Variants in ATP10B observed in about 807,000 individuals in gnomAD.
ATP10B encodes ATPase phospholipid transporting 10B (putative), also known as phospholipid-transporting ATPase VB.
ATP10B carries 122 observed loss-of-function variants against 141.2 expected under a neutral mutation model. The ratio of observed to expected loss-of-function variants is 0.86; its 90% confidence interval spans 0.75 to 1.00. ATP10B has a LOEUF of 1.00. ATP10B is among the 50% of genes least tolerant of loss of function. The pLI is 0.00. For missense variants in ATP10B, 1,876 were observed against 1,825.3 expected, an observed-to-expected ratio of 1.03 and a Z score of -0.51; for synonymous variants, 685 against 692.0, an observed-to-expected ratio of 0.99 and a Z score of 0.16.
chr5:160,818,960 G>C (rs986575581), intron 1 of ATP10B, among the ~76,000 whole-genome samples: 4 of 152,084 alleles, frequency 2.6e-5, no homozygotes, highest in Admixed American at 2.0e-4. Context: ...GAGAACACAT[G>C]GACACAGGAA....
chr5:160,907,992 G>A, the ATP10B span, among the ~76,000 whole-genome samples: 11 of 152,142 alleles, frequency 7.2e-5, no homozygotes, highest in East Asian at 1.9e-4. Context: ...CAGGTTGGAT[G>A]ATGGTCTCCC....
intron 23 of ATP10B, 86 bp from the exon 24 acceptor site, chr5:160,589,782 A>T (rs1756158225): frequency 1.0e-6 from 1 of 987,006 alleles, no homozygotes; most frequent in Non-Finnish European, 1.6e-6. Flanking sequence ...GCATCAATGA[A>T]GGCAGTTGTC....
chr5:160,787,124 A>AC (rs1554116293), intron 1 of ATP10B, among the ~76,000 whole-genome samples: 12 of 148,292 alleles, frequency 8.1e-5, no homozygotes, highest in Non-Finnish European at 1.6e-4. Context: ...ACACACACAC[A>AC]CACACACACA....
intron 2 of ATP10B, among the ~76,000 whole-genome samples, chr5:160,779,381 C>G (rs1042511005): frequency 2.0e-5 from 3 of 152,116 alleles, no homozygotes; most frequent in African/African-American, 7.2e-5. Context: ...TGGGATGTCA[C>G]TTCTATAATT....
chr5:160,752,351 G>A (rs1247777961), intron 2 of ATP10B, among the ~76,000 whole-genome samples: 1 of 152,062 alleles, frequency 6.6e-6, no homozygotes, highest in East Asian at 1.9e-4. Flanking sequence ...TACAGAAGCA[G>A]CTTGTGACAG....
At chr5:160,853,333 C>T (rs4921346), upstream of ATP10B, among the ~76,000 whole-genome samples, 108,994 of 152,100 alleles carry the variant, frequency 0.72, 41,292 homozygotes, top group East Asian at 0.97. Flanking sequence ...ATCACAGATA[C>T]GGTTAAATTG....
chr5:160,825,140 G>A (rs1211586612), intron 1 of ATP10B, among the ~76,000 whole-genome samples: 2 of 152,080 alleles, frequency 1.3e-5, no homozygotes, highest in Non-Finnish European at 2.9e-5. Flanking sequence ...GCTGTTTGAG[G>A]TCAGAGACTG....
chr5:160,858,014 A>T, the ATP10B span, among the ~76,000 whole-genome samples: 1 of 151,840 alleles, frequency 6.6e-6, no homozygotes, highest in Non-Finnish European at 1.5e-5. Context: ...TTGTCTATTA[A>T]TCTGTTTTAT....
At chr5:160,616,240 T>C (rs1369329083) in intron 16 of ATP10B, among the ~76,000 whole-genome samples, 1 of 151,988 alleles carries the variant, frequency 6.6e-6, no homozygotes, top group Non-Finnish European at 1.5e-5. Flanking sequence ...TGGTGGAAGG[T>C]GAGGGGTATT....
chr5:160,637,041 A>AATCCATCCATCC lies in ATP10B; in HGVS notation c.1001-744_1001-733dup, dbSNP rs201357056. On this transcript the variant is annotated intron_variant, in intron 10 of 25. Coordinates refer to ENST00000327245, the MANE Select transcript of ATP10B (RefSeq NM_025153.3). Reference sequence around the variant, plus strand: ...CTATCCATCCATCCATCCATCCATGAATCCATCCATCCATCCATCCATCCA... The same window carrying AATCCATCCATCC: ...CTATCCATCCATCCATCCATCCATGAATCCATCCATCCATCCATCCATCCATCCATCCATCCA... 4.8e-3 allele frequency among the ~76,000 whole-genome samples: 271 copies of AATCCATCCATCC among 55,998 alleles called. 12 individuals are homozygous for AATCCATCCATCC. Among genetic ancestry groups the AATCCATCCATCC allele is most frequent in the African/African-American group, 0.019 (214 of 11,480 alleles). 36.7% of individuals were successfully genotyped at this position (55,998 alleles called of 152,430 possible). A position where few individuals can be genotyped will look rare whatever the true frequency, so the allele number is the denominator to read the frequency against.
At chr5:160,833,059 G>A (rs1011789219) in intron 1 of ATP10B, among the ~76,000 whole-genome samples, 2 of 152,146 alleles carry the variant, frequency 1.3e-5, no homozygotes, top group Non-Finnish European at 2.9e-5. Context: ...GAGGAGCCTG[G>A]GAACTTTACT....
chr5:160,915,702 G>A, the ATP10B span, among the ~76,000 whole-genome samples: 6 of 152,244 alleles, frequency 3.9e-5, no homozygotes, highest in East Asian at 7.7e-4. Flanking sequence ...AGACAGGCAG[G>A]AATAGATTAG....
At chr5:160,740,203 A>T (rs1767370489) in intron 2 of ATP10B, among the ~76,000 whole-genome samples, 1 of 152,222 alleles carries the variant, frequency 6.6e-6, no homozygotes, top group Admixed American at 6.5e-5. Flanking sequence ...GTTGTGAAAA[A>T]TAAAATCATG....
the ATP10B span, among the ~76,000 whole-genome samples, chr5:160,905,130 G>C: frequency 2.6e-5 from 4 of 152,326 alleles, no homozygotes; most frequent in Admixed American, 2.6e-4. Context: ...TGTATTGTTA[G>C]TCCCATTTTA....
chr5:160,788,196 T>A (rs1313649492), intron 1 of ATP10B, among the ~76,000 whole-genome samples: 1 of 152,108 alleles, frequency 6.6e-6, no homozygotes, highest in African/African-American at 2.4e-5. Flanking sequence ...AGACAGACAG[T>A]CTGGAGAAGA....
Position 160,688,007 on chromosome 5 carries a change from C to A in ATP10B, c.68G>T (p.Cys23Phe), listed in dbSNP as rs1581359822. Residue 23 changes from cysteine to phenylalanine, a missense_variant, in exon 5 of 26, where the codon TGT (cysteine) becomes TTT (phenylalanine). Cys to Phe is a radical substitution (Grantham distance 205, BLOSUM62 -2). Transcript: ENST00000327245. ...GAGCAGCGGTGTGGTTTCCGATGGA[C>A]AATGGGGGAAGCCATCTCTGACTCT... ...QWRVRDGFPH[C>F]PSETTPLLSP... 6.2e-7 allele frequency: 1 copy of A among 1,613,968 alleles called. No individual in the cohort carries two copies. The highest frequency in any genetic ancestry group is 1.3e-5 in the African/African-American group (1 of 74,984).
At chr5:160,738,248 T>C (rs931276253) in intron 2 of ATP10B, among the ~76,000 whole-genome samples, 3 of 152,066 alleles carry the variant, frequency 2.0e-5, no homozygotes, top group African/African-American at 4.8e-5. Flanking sequence ...AAAATAAACA[T>C]CAAAATTTGT....
the ATP10B span, among the ~76,000 whole-genome samples, chr5:160,902,268 C>A: frequency 6.6e-6 from 1 of 152,040 alleles, no homozygotes; most frequent in African/African-American, 2.4e-5. Context: ...TTGGTAATAC[C>A]TCAAATAGAT....
intron 1 of ATP10B, among the ~76,000 whole-genome samples, chr5:160,849,618 T>TACACACACACACACACAC (rs796968833): frequency 0.028 from 4,212 of 148,198 alleles, 79 homozygotes; most frequent in East Asian, 0.043. Flanking sequence ...TACTGGCAAT[T>TACACACACACACACACAC]ACACACACAC....
Sources: allele counts gnomAD v4.1 joint callset (sites outside exome capture counted in the v4.1 genomes callset), GRCh38; gene constraint gnomAD v4.1.1; transcripts MANE v1.5; gene names NCBI Gene and HGNC (gene_info 2026-07-23, HGNC 2026-07-21).